NDUFS2: variants seen among roughly 807,000 people sequenced by gnomAD.
The protein encoded by NDUFS2 is NADH:ubiquinone oxidoreductase core subunit S2, also known as NADH dehydrogenase [ubiquinone] iron-sulfur protein 2, mitochondrial.
Under a neutral mutation model 69.6 loss-of-function variants are expected in NDUFS2, and 38 were observed. The ratio of observed to expected loss-of-function variants is 0.55; its 90% CI spans 0.42 to 0.72. NDUFS2 has a LOEUF of 0.72. NDUFS2 is among the 30% of genes least tolerant of loss of function. NDUFS2 has a pLI of 0.00. For synonymous variants in NDUFS2, 194 were observed against 211.2 expected, an observed-to-expected ratio of 0.92 and a Z score of 0.70; for missense variants, 468 against 595.0, an observed-to-expected ratio of 0.79 and a Z score of 2.22.
In NDUFS2 at chr1:161,206,712, C is replaced by A. The variant is rs547542311; in HGVS notation, c.393+115C>A. ...GAGGAAGGTGTTGAGAGGAGTAACC[C>A]GTTGAGATTACTCTTGGTTGGGTGG... On this transcript the variant is annotated intron_variant, in intron 3 of 13. Transcript: ENST00000676972. 3.3e-5 allele frequency: 36 copies of A among 1,090,630 alleles called. No individual in the cohort carries two copies. The East Asian group carries it at 9.1e-4, about 27-fold the overall frequency. The allele number at this position is 1,090,630 out of a possible 1,614,324, so 67.6% of individuals were successfully genotyped here. A position where few individuals can be genotyped will look rare whatever the true frequency, so the allele number is the denominator to read the frequency against.
chr1:161,207,606 T>G (rs1261410042), intron 3 of NDUFS2, among the ~76,000 whole-genome samples: 1 of 151,450 alleles, frequency 6.6e-6, no homozygotes, highest in African/African-American at 2.4e-5. Context: ...ATACAAAAAT[T>G]AGCCAGACGT....
At chr1:161,211,890 G>A (rs915833914) in intron 9 of NDUFS2, among the ~76,000 whole-genome samples, 2 of 152,052 alleles carry the variant, frequency 1.3e-5, no homozygotes, top group African/African-American at 4.8e-5. Context: ...ATAAGGAGAG[G>A]GTTTGGGGAA....
At position 161,210,328 on chromosome 1, in the gene NDUFS2, C is replaced by T. The variant is rs1193932972; in HGVS notation, c.805C>T (p.Arg269Ter). Residue 269 changes from arginine (R) to a stop codon, truncating the protein, a stop_gained, in exon 8 of 14, where the codon CGA becomes TGA. Transcript: ENST00000676972. LOFTEE classifies it high-confidence loss of function. ...GTTGCTGACCAACAATAGGATCTGGCGAAATCGGACAATTGACATTGGGGT... is the reference window on the plus strand; with the variant it reads ...GTTGCTGACCAACAATAGGATCTGGTGAAATCGGACAATTGACATTGGGGT... ...EELLTNNRIW[R>*]NRTIDIGVVT... 4.3e-6 allele frequency: 7 copies of T among 1,613,732 alleles called. No individual in the cohort carries two copies. In the South Asian group the frequency reaches 4.4e-5, roughly 10 times the overall value.
chr1:161,204,687 G>A (rs1295380217), intron 2 of NDUFS2, among the ~76,000 whole-genome samples: 3 of 152,006 alleles, frequency 2.0e-5, no homozygotes. Context: ...AAACATTTTC[G>A]TATGCATTAT....
intron 2 of NDUFS2, among the ~76,000 whole-genome samples, chr1:161,204,125 C>T (rs895678183): frequency 6.6e-6 from 1 of 152,222 alleles, no homozygotes; most frequent in Non-Finnish European, 1.5e-5. Context: ...CAGCTTTTCC[C>T]ATGTTCAATA....
At chr1:161,213,218 A>C (rs1321773285) in intron 10 of NDUFS2, 162 bp from the exon 11 acceptor site, 1 of 647,430 alleles carries the variant, frequency 1.5e-6, no homozygotes, top group African/African-American at 1.8e-5. Context: ...AGAGATTCTT[A>C]ATCTCCCATA....
intron 10 of NDUFS2, chr1:161,212,973 T>G (rs1665854834): frequency 3.4e-6 from 1 of 292,086 alleles, no homozygotes; most frequent in Non-Finnish European, 6.7e-6. Flanking sequence ...GGCATGATCT[T>G]GGCTCTCTGC....
At chr1:161,197,476 G>A (rs1664894856), upstream of NDUFS2, 1 of 159,306 alleles carries the variant, frequency 6.3e-6, no homozygotes, top group African/African-American at 2.4e-5. Context: ...GAAGGGGATT[G>A]ACCAGAAGGA....
Position 161,210,058 on chromosome 1 carries a change from T to C in NDUFS2, c.703-53T>C, listed in dbSNP as rs746008733. 4 of 1,596,002 alleles carry C rather than the reference T, an allele frequency of 2.5e-6. No homozygotes were observed. In the Admixed American group the frequency reaches 6.7e-5, roughly 27 times the overall value. ...CTGGGGGAGGGGGTGCTGAGAGGGC[T>C]CTCCTTAGTGAAGGCTATGCCACAT... On this transcript the variant is annotated intron_variant, in intron 6 of 13. Transcript: ENST00000676972.
rs1435035700 is a variant in NDUFS2, at chr1:161,202,478, C to T, written c.93C>T (p.Ser31=). 1 of 1,610,160 alleles carries T rather than the reference C, an allele frequency of 6.2e-7. No individual in the cohort carries two copies. The highest frequency in any genetic ancestry group is 1.7e-5 in the Admixed American group (1 of 59,596). The change falls in exon 1 of 14, where the codon AGC becomes AGT. Residue 31 remains serine, a splice_region_variant and synonymous_variant. Transcript: ENST00000676972. ...GAGVRLPIQP[S]RGVRQWQPDV... Reference sequence around the variant, plus strand: ...GAGTCCGATTGCCGATTCAGCCCAGCAGGTGAGATCGAGGGCAGCTCTCGA... The same window carrying T: ...GAGTCCGATTGCCGATTCAGCCCAGTAGGTGAGATCGAGGGCAGCTCTCGA...
Position 161,213,637 on chromosome 1 carries a change from T to A in NDUFS2, c.1213-12T>A, listed in dbSNP as rs1036444483. ...ATGTTAATACAGACACCCAACCTTCTTCCTTGAACAGGGAGAGTTTGGGGT... is the reference window on the plus strand; with the variant it reads ...ATGTTAATACAGACACCCAACCTTCATCCTTGAACAGGGAGAGTTTGGGGT... On this transcript the variant is annotated splice_polypyrimidine_tract_variant and intron_variant, in intron 11 of 13. Transcript: ENST00000676972. 1.2e-6 allele frequency: 2 copies of A among 1,613,900 alleles called. No homozygotes were observed. The highest frequency in any genetic ancestry group is 2.7e-5 in the African/African-American group (2 of 74,934).
intron 2 of NDUFS2, among the ~76,000 whole-genome samples, chr1:161,206,166 G>GAA (rs76362321): frequency 6.9e-6 from 1 of 145,558 alleles, no homozygotes; most frequent in South Asian, 2.1e-4. Flanking sequence ...TATGAACCAT[G>GAA]AAAAAAAAAA....
chr1:161,201,089 C>T (rs1665095884), upstream of NDUFS2, among the ~76,000 whole-genome samples: 1 of 152,198 alleles, frequency 6.6e-6, no homozygotes, highest in East Asian at 1.9e-4. Flanking sequence ...AAAGAAGGCC[C>T]AGGGAAAGAG....
In NDUFS2 at chr1:161,213,688, C is replaced by T. The variant is rs778070477; in HGVS notation, c.1252C>T (p.Arg418Cys). ...GTACCTGGTGTCTGATGGCAGCAGCCGCCCTTATCGATGCAAGATCAAGGC... is the reference window on the plus strand; with the variant it reads ...GTACCTGGTGTCTGATGGCAGCAGCTGCCCTTATCGATGCAAGATCAAGGC... ...GVYLVSDGSS[R>C]PYRCKIKAPG... Residue 418 changes from arginine (R) to cysteine (C), a missense_variant, in exon 12 of 14, where the codon CGC (arginine) becomes TGC (cysteine). Arg to Cys is a radical substitution (Grantham distance 180). This residue lies in a region of NDUFS2 where 72 missense variants were observed against 118.9 expected (regional missense o/e 0.61). Transcript: ENST00000676972. 8 of 1,614,054 alleles carry T rather than the reference C, an allele frequency of 5.0e-6. No homozygotes were observed. The highest frequency in any genetic ancestry group is 4.5e-5 in the East Asian group (2 of 44,902).
intron 2 of NDUFS2, 39 bp downstream of exon 2, chr1:161,203,582 C>T: frequency 6.7e-7 from 1 of 1,495,406 alleles, no homozygotes. Flanking sequence ...CACACCCATC[C>T]CTGCCCCCAG....
chr1:161,206,480 T>C lies in NDUFS2; in HGVS notation c.276T>C (p.His92=). The C allele has an allele frequency of 6.2e-7, 1 of 1,614,224 alleles. No individual in the cohort carries two copies. The highest frequency in any genetic ancestry group is 8.5e-7 in the Non-Finnish European group (1 of 1,180,014). ...TTGGGCCCCAACACCCAGCAGCGCA[T>C]GGTGTCCTGCGACTAGTGATGGAAT... ...LNFGPQHPAA[H]GVLRLVMELS... is the part of the protein sequence containing the mutation. Residue 92 remains histidine, a synonymous_variant, in exon 3 of 14, where the codon CAT becomes CAC. Coordinates refer to ENST00000676972, the MANE Select transcript of NDUFS2 (RefSeq NM_001377299.1).
intron 13 of NDUFS2, 32 bp from the exon 14 acceptor site, chr1:161,214,124 A>G: frequency 6.2e-7 from 1 of 1,614,042 alleles, no homozygotes; most frequent in South Asian, 1.1e-5. Flanking sequence ...AAGATAAGTA[A>G]CATCACTTTT....
chr1:161,198,252 T>C (rs1000852820), upstream of NDUFS2: 2 of 1,614,004 alleles, frequency 1.2e-6, no homozygotes, highest in Non-Finnish European at 8.5e-7. The surrounding 1 kb of genome is among the most constrained non-coding windows in gnomAD (Gnocchi z 4.7). Flanking sequence ...GTCAGGTAGG[T>C]GCCAGGCTCT....
chr1:161,209,956 A>G (rs1481914166), intron 6 of NDUFS2, 25 bp downstream of exon 6: 6 of 1,613,586 alleles, frequency 3.7e-6, no homozygotes, highest in Non-Finnish European at 5.1e-6. Context: ...GGCTTCCCCA[A>G]ATGTCCAGCC....
Sources: gnomAD v4.1 joint callset for allele counts (sites outside exome capture counted in the v4.1 genomes callset) on GRCh38, gnomAD v4.1.1 for gene constraint, gnomAD v4.1.1 regional missense constraint, Gnocchi (gnomAD v3.1) non-coding constraint, MANE v1.5 for transcripts, NCBI Gene and HGNC (gene_info 2026-07-23, HGNC 2026-07-21) for gene names.